ELL: variants seen among roughly 807,000 people sequenced by gnomAD.
ELL encodes the protein elongation factor for RNA polymerase II.
In ELL, 18 loss-of-function variants were observed where a neutral mutation model predicts 64.0. The ratio of observed to expected loss-of-function variants is 0.28; its 90% CI spans 0.19 to 0.42. The LOEUF is 0.42. Ranked by LOEUF, ELL falls within the 10% of genes least tolerant of loss-of-function variation. The pLI, the probability that ELL is intolerant of heterozygous loss-of-function variation, is 1.00. For missense variants in ELL, 797 were observed against 870.4 expected (o/e 0.92, Z 1.06); for synonymous variants, 399 against 376.2 (o/e 1.06, Z -0.70).
At chr19:18,519,724 T>C (rs1391365533) in intron 1 of ELL, among the ~76,000 whole-genome samples, 6 of 151,522 alleles carry the variant, frequency 4.0e-5, no homozygotes. Context: ...GGAGAATCGC[T>C]TGAACCCGGG....
chr19:18,445,138 G>T, intron 11 of ELL, 86 bp downstream of exon 11: 1 of 1,558,242 alleles, frequency 6.4e-7, no homozygotes, highest in Non-Finnish European at 8.8e-7. Context: ...TGGAAGTAGC[G>T]GGCAGGGAGG....
intron 1 of ELL, among the ~76,000 whole-genome samples, chr19:18,481,176 G>T (rs535822288): frequency 6.6e-6 from 1 of 152,214 alleles, no homozygotes; most frequent in African/African-American, 2.4e-5. Context: ...TCCTGGATCT[G>T]TTTTTTTGTC....
At chr19:18,518,928 GA>G (rs1250570747) in intron 1 of ELL, among the ~76,000 whole-genome samples, 1 of 152,150 alleles carries the variant, frequency 6.6e-6, no homozygotes, top group Non-Finnish European at 1.5e-5. Flanking sequence ...GCCCTCTGGG[GA>G]GAGAAAACAG....
intron 1 of ELL, among the ~76,000 whole-genome samples, chr19:18,503,177 C>A (rs968057534): frequency 2.1e-4 from 32 of 152,246 alleles, no homozygotes; most frequent in African/African-American, 7.0e-4. Flanking sequence ...TCCCTGTAAG[C>A]ATCCGTGGTC....
chr19:18,494,945 C>T (rs1975616611), intron 1 of ELL, among the ~76,000 whole-genome samples: 1 of 152,148 alleles, frequency 6.6e-6, no homozygotes, highest in Non-Finnish European at 1.5e-5. Flanking sequence ...CACCATGTGC[C>T]CAGGATTTGA....
intron 6 of ELL, 38 bp from the exon 7 acceptor site, chr19:18,451,686 A>AG (rs763726504): frequency 2.8e-6 from 4 of 1,447,810 alleles, no homozygotes; most frequent in South Asian, 1.4e-5. Context: ...GAAGGTGCTG[A>AG]GGGGGCCTAG....
chr19:18,496,036 A>G (rs1457731831), intron 1 of ELL, among the ~76,000 whole-genome samples: 1 of 152,166 alleles, frequency 6.6e-6, no homozygotes, highest in Non-Finnish European at 1.5e-5. Flanking sequence ...GGGACTGCAG[A>G]GGGCGTGGAG....
chr19:18,447,652 AG>A (rs2144887849), intron 8 of ELL, among the ~76,000 whole-genome samples: 1 of 152,296 alleles, frequency 6.6e-6, no homozygotes, highest in Non-Finnish European at 1.5e-5. Flanking sequence ...CAGGGAGGGG[AG>A]GGGCAGGAAG....
intron 5 of ELL, 130 bp from the exon 6 acceptor site, chr19:18,458,459 GA>G: frequency 1.4e-6 from 2 of 1,404,900 alleles, no homozygotes; most frequent in Non-Finnish European, 1.9e-6. Context: ...CAGAGGAGAG[GA>G]AAGAGGATGG....
At chr19:18,484,558 T>C (rs1034198960) in intron 1 of ELL, among the ~76,000 whole-genome samples, 1 of 152,198 alleles carries the variant, frequency 6.6e-6, no homozygotes, top group Non-Finnish European at 1.5e-5. Context: ...AAGGATCACC[T>C]AAGCACAGGC....
rs559218230 is a variant in ELL at position 18,498,226 on chromosome 19, G to A, written c.135+23695C>T. Among the ~76,000 whole-genome samples the A allele has an allele frequency of 4.6e-5, 7 of 152,220 alleles. No individual in the cohort carries two copies. The East Asian group carries it at 9.6e-4, about 21-fold the overall frequency. On this transcript the variant is annotated intron_variant, in intron 1 of 11. Transcript: ENST00000262809. ...TGAGAATGGGGGAGGCTGCAGGTGC[G>A]GGGAGGCGGGGAGAAGTATATAGGA...
rs373066896 is a variant in ELL, at chr19:18,521,998, C to T, written c.58G>A (p.Gly20Ser). ...YGLSCGRVSD[G>S]SKVSVFHVKL... ...ACGTGGAACACCGACACCTTGCTGC[C>T]GTCGCTAACCCGCCCGCACGACAGC... The change falls in exon 1 of 12, where the codon GGC becomes AGC. Residue 20 changes from glycine (G) to serine (S), a missense_variant. Gly to Ser is a moderately conservative substitution (Grantham distance 56). Coordinates refer to ENST00000262809, the MANE Select transcript of ELL (RefSeq NM_006532.4). 23 of 1,611,296 alleles carry T rather than the reference C, an allele frequency of 1.4e-5. No homozygotes were observed. The highest frequency in any genetic ancestry group is 2.0e-5 in the Non-Finnish European group (23 of 1,178,820).
intron 1 of ELL, among the ~76,000 whole-genome samples, chr19:18,510,546 C>G (rs1438262885): frequency 1.3e-5 from 2 of 152,124 alleles, no homozygotes; most frequent in Non-Finnish European, 2.9e-5. Context: ...TGATCCTGCT[C>G]GAGACCTTCC....
rs899583871 is a variant in ELL at position 18,521,171 on chromosome 19, T to G, written c.135+750A>C. On this transcript the variant is annotated intron_variant, in intron 1 of 11. Coordinates refer to ENST00000262809, the MANE Select transcript of ELL (RefSeq NM_006532.4). Reference sequence around the variant, plus strand: ...CTGGGTGGCAGGGATCCCCTACATGTGCCCTGAGGATAACATCACAGCCGC... The same window carrying G: ...CTGGGTGGCAGGGATCCCCTACATGGGCCCTGAGGATAACATCACAGCCGC... 3.4e-4 allele frequency among the ~76,000 whole-genome samples: 51 copies of G among 151,928 alleles called. 2 individuals are homozygous for G. Among genetic ancestry groups the G allele is most frequent in the Admixed American group, 1.3e-4 (2 of 15,242 alleles).
chr19:18,456,278 A>G (rs996461804), intron 6 of ELL, among the ~76,000 whole-genome samples: 3 of 152,234 alleles, frequency 2.0e-5, no homozygotes, highest in Non-Finnish European at 4.4e-5. Flanking sequence ...CCACCATCCC[A>G]GAGTAGGTAC....
At chr19:18,509,593 G>GCGCACACACACACA (rs1438642062) in intron 1 of ELL, among the ~76,000 whole-genome samples, 1 of 83,240 alleles carries the variant, frequency 1.2e-5, no homozygotes. Flanking sequence ...GCGCGCGCGC[G>GCGCACACACACACA]CACATACACA....
At chr19:18,462,625 T>C (rs1202932260) in intron 4 of ELL, among the ~76,000 whole-genome samples, 3 of 151,950 alleles carry the variant, frequency 2.0e-5, no homozygotes, top group Non-Finnish European at 4.4e-5. Flanking sequence ...CAAAGGACCC[T>C]CCCACCTCAG....
Position 18,450,846 on chromosome 19 carries a change from G to C in ELL, c.1096C>G (p.Leu366Val), listed in dbSNP as rs766135687. ...CTGGCTGGTGGGCCCGGGGTGGGCA[G>C]CAAGGCCTCACGGCCATTGGGCACG... Reference protein sequence around the residue: ...LGVPNGREALLPTPGPPASTD... With the variant: ...LGVPNGREALVPTPGPPASTD... The change falls in exon 8 of 12, where the codon CTG becomes GTG. Residue 366 changes from leucine (L) to valine (V), a missense_variant. Leu to Val is a conservative substitution (Grantham distance 32). Coordinates refer to ENST00000262809, the MANE Select transcript of ELL (RefSeq NM_006532.4). The C allele has an allele frequency of 1.3e-6, 2 of 1,591,652 alleles. No individual in the cohort carries two copies. The highest frequency in any genetic ancestry group is 3.5e-5 in the Admixed American group (2 of 57,206).
chr19:18,454,920 C>T (rs1974625541), intron 6 of ELL, among the ~76,000 whole-genome samples: 1 of 149,420 alleles, frequency 6.7e-6, no homozygotes, highest in African/African-American at 2.5e-5. Flanking sequence ...AGGCTGAGGC[C>T]CTTGAGGTCA....
Sources: gnomAD v4.1 joint callset for allele counts (sites outside exome capture counted in the v4.1 genomes callset) on GRCh38, gnomAD v4.1.1 for gene constraint, MANE v1.5 for transcripts, NCBI Gene and HGNC (gene_info 2026-07-23, HGNC 2026-07-21) for gene names.